The following AFAP1 variants were observed in gnomAD, a reference collection of about 807,000 sequenced individuals.
AFAP1 encodes actin filament-associated protein 1.
AFAP1 carries 75 observed loss-of-function variants against 93.9 expected under a neutral mutation model. That is an observed-to-expected ratio of 0.80 (90% CI 0.66 to 0.97). The LOEUF (loss-of-function observed/expected upper bound fraction) is 0.97, where lower values mean the gene tolerates loss of function less well. Among genes scored for constraint, AFAP1 ranks in the 50% least tolerant of loss-of-function variants. The probability of loss-of-function intolerance (pLI) is 0.00; values close to 1 mark genes in which losing one functional copy is unlikely to be tolerated. For missense variants in AFAP1, 1,201 were observed against 1,050.8 expected, an observed-to-expected ratio of 1.14 and a Z score of -1.98; for synonymous variants, 517 against 430.7, an observed-to-expected ratio of 1.20 and a Z score of -2.48.
At chr4:7,834,650 G>C (rs958622885) in intron 6 of AFAP1, among the ~76,000 whole-genome samples, 2 of 152,276 alleles carry the variant, frequency 1.3e-5, no homozygotes, top group South Asian at 2.1e-4. Context: ...GGGAAGCCTG[G>C]TGGCTGGGAC....
intron 1 of AFAP1, among the ~76,000 whole-genome samples, chr4:7,889,551 A>AG: frequency 6.8e-6 from 1 of 147,488 alleles, no homozygotes; most frequent in East Asian, 2.0e-4. Flanking sequence ...CCAAAAAAAA[A>AG]AAAAAAAGAA....
intron 8 of AFAP1, among the ~76,000 whole-genome samples, chr4:7,814,276 TGTTA>T (rs1305773438): frequency 6.6e-6 from 1 of 152,190 alleles, no homozygotes; most frequent in African/African-American, 2.4e-5. Context: ...TGTTCAACAT[TGTTA>T]GTTATTAGGG....
In AFAP1 at chr4:7,800,530, C is replaced by A. The variant is rs146426247; in HGVS notation, c.1178G>T (p.Arg393Leu). 8 of 1,614,206 alleles carry A rather than the reference C, an allele frequency of 5.0e-6. No homozygotes were observed. The East Asian group carries it at 1.1e-4, about 22-fold the overall frequency. The change falls in exon 10 of 18, where the codon CGT becomes CTT. Residue 393 changes from arginine to leucine, a missense_variant. Coordinates refer to ENST00000420658, the MANE Select transcript of AFAP1 (RefSeq NM_001134647.2). ...LKTHIVSIPL[R>L]GCEVIPGLDS... ...CAAACCCGGGATCACCTCGCAGCCACGGAGCGGAATAGACACAATATGGGT... is the reference window on the plus strand; with the variant it reads ...CAAACCCGGGATCACCTCGCAGCCAAGGAGCGGAATAGACACAATATGGGT...
intron 14 of AFAP1, chr4:7,776,495 C>T (rs1716143566): frequency 6.6e-6 from 1 of 152,184 alleles, no homozygotes. Context: ...ACTGACAATT[C>T]TTACCATATC....
In AFAP1 at chr4:7,841,356, GC is replaced by G. The variant is rs200027466; in HGVS notation, c.546+1782del. ...GAGGGAGCTCTGCCTTGGGCTCTAGGCCCCTCTTCAATGCAGACAGTCCCCG... is the reference window on the plus strand; with the variant it reads ...GAGGGAGCTCTGCCTTGGGCTCTAGGCCCTCTTCAATGCAGACAGTCCCCG... On this transcript the variant is annotated intron_variant, in intron 5 of 17. Transcript: ENST00000420658. 9.2e-5 allele frequency among the ~76,000 whole-genome samples: 14 copies of G among 152,328 alleles called. No individual in the cohort carries two copies. The East Asian group carries it at 2.3e-3, about 25-fold the overall frequency.
At chr4:7,864,773 C>A (rs7441783) in intron 3 of AFAP1, among the ~76,000 whole-genome samples, 92,746 of 152,004 alleles carry the variant, frequency 0.61, 29,187 homozygotes, top group Middle Eastern at 0.75. Flanking sequence ...AAATGAGTGC[C>A]AAAGCCGAGT....
rs1336610593 is a variant in AFAP1 at position 7,760,635 on chromosome 4, G to C, written c.*3130C>G. 1.4e-4 allele frequency: 22 copies of C among 152,208 alleles called. No individual in the cohort carries two copies. Among genetic ancestry groups the C allele is most frequent in the Admixed American group, 1.4e-3 (22 of 15,288 alleles). 9.4% of individuals were successfully genotyped at this position (152,208 alleles called of 1,614,324 possible). A position where few individuals can be genotyped will look rare whatever the true frequency, so the allele number is the denominator to read the frequency against. ...GGGGACAAAGGGAGCCCTCGAATCT[G>C]ATAGTTGTTTCTATGAAAAAGTTGG... On this transcript the variant is annotated 3_prime_UTR_variant, in exon 18 of 18. Coordinates refer to ENST00000420658, the MANE Select transcript of AFAP1 (RefSeq NM_001134647.2).
At chr4:7,890,796 C>A (rs1718427499) in intron 1 of AFAP1, among the ~76,000 whole-genome samples, 1 of 152,122 alleles carries the variant, frequency 6.6e-6, no homozygotes, top group Admixed American at 6.5e-5. Flanking sequence ...TCATATCAAG[C>A]CTTAGCAAAA....
At chr4:7,788,676 A>C (rs1340119135) in intron 11 of AFAP1, 1 of 152,246 alleles carries the variant, frequency 6.6e-6, no homozygotes, top group East Asian at 1.9e-4. Flanking sequence ...TACATATTTA[A>C]GGTTTTCTAA....
intron 4 of AFAP1, among the ~76,000 whole-genome samples, chr4:7,851,983 A>G (rs564053187): frequency 6.6e-6 from 1 of 152,314 alleles, no homozygotes; most frequent in African/African-American, 2.4e-5. Flanking sequence ...TCAAGTACAC[A>G]ATAATGGGTC....
chr4:7,885,338 C>A (rs765209803), intron 1 of AFAP1, among the ~76,000 whole-genome samples: 2 of 152,182 alleles, frequency 1.3e-5, no homozygotes, highest in Admixed American at 6.5e-5. Context: ...GCTCTCTGCC[C>A]GGTATGCTTA....
chr4:7,890,437 T>A (rs946240248), intron 1 of AFAP1, among the ~76,000 whole-genome samples: 2 of 152,266 alleles, frequency 1.3e-5, no homozygotes, highest in East Asian at 1.9e-4. Context: ...AATGAAAACA[T>A]AGGCAAAAAT....
chr4:7,793,564 G>C, intron 11 of AFAP1, 117 bp downstream of exon 11: 2 of 1,172,234 alleles, frequency 1.7e-6, no homozygotes, highest in Non-Finnish European at 2.2e-6. Flanking sequence ...ATGCAAAAGG[G>C]AAAGTCTTTA....
rs529449332 is a variant in AFAP1 at position 7,781,112 on chromosome 4, C to CA, written c.1782+263dup. On this transcript the variant is annotated intron_variant, in intron 13 of 17. Transcript: ENST00000420658. ...CTCTGCCTTTAGTTGACATAATTCA[C>CA]AAAATTTCACTGGGGAATTTTCCAA... Among the ~76,000 whole-genome samples, 396 of 152,246 alleles carry CA rather than the reference C, an allele frequency of 2.6e-3. 1 individual carries two copies. The highest frequency in any genetic ancestry group is 4.6e-3 in the Admixed American group (70 of 15,300).
chr4:7,879,138 G>A (rs1717693627), intron 1 of AFAP1, among the ~76,000 whole-genome samples: 1 of 152,184 alleles, frequency 6.6e-6, no homozygotes, highest in African/African-American at 2.4e-5. Flanking sequence ...GAGGCTCAGG[G>A]AACTGGAAAG....
At chr4:7,841,028 G>A (rs1577279113) in intron 5 of AFAP1, among the ~76,000 whole-genome samples, 1 of 152,186 alleles carries the variant, frequency 6.6e-6, no homozygotes, top group African/African-American at 2.4e-5. Flanking sequence ...TAAGTTAAAT[G>A]CCTCACGAGA....
rs1410506350 is a variant in AFAP1 at position 7,828,974 on chromosome 4, G to T, written c.726+9550C>A. Among the ~76,000 whole-genome samples the T allele has an allele frequency of 5.9e-5, 9 of 152,196 alleles. No homozygotes were observed. The South Asian group carries it at 1.7e-3, about 28-fold the overall frequency. On this transcript the variant is annotated intron_variant, in intron 6 of 17. Coordinates refer to ENST00000420658, the MANE Select transcript of AFAP1 (RefSeq NM_001134647.2). ...AGTGGGAGGTAATTGAATCATGGGG[G>T]CGGTTACCTTCATGCTGTTCTCGTG... is the stretch of plus-strand genomic sequence containing the variant.
chr4:7,927,503 T>C (rs1375814556), intron 1 of AFAP1, among the ~76,000 whole-genome samples: 3 of 152,190 alleles, frequency 2.0e-5, no homozygotes, highest in African/African-American at 7.2e-5. Flanking sequence ...GGACACGTAT[T>C]GAACACAGTA....
intron 1 of AFAP1, among the ~76,000 whole-genome samples, chr4:7,892,544 G>C (rs1577339403): frequency 6.6e-6 from 1 of 152,192 alleles, no homozygotes; most frequent in Non-Finnish European, 1.5e-5. Context: ...GCAACTAAGA[G>C]AACAGACATT....
Sources: gnomAD v4.1 joint callset for allele counts (sites outside exome capture counted in the v4.1 genomes callset) on GRCh38, gnomAD v4.1.1 for gene constraint, MANE v1.5 for transcripts, NCBI Gene and HGNC (gene_info 2026-07-23, HGNC 2026-07-21) for gene names.